Variants in PIK3C2G observed in about 807,000 individuals in gnomAD.
PIK3C2G encodes the protein phosphatidylinositol 3-kinase C2 domain-containing subunit gamma.
Under a neutral mutation model 181.1 loss-of-function variants are expected in PIK3C2G, and 168 were observed. The observed-to-expected ratio is 0.93, with a 90% CI of 0.82 to 1.05. The LOEUF (loss-of-function observed/expected upper bound fraction) is 1.05, where lower values mean the gene tolerates loss of function less well. PIK3C2G is among the 50% of genes least tolerant of loss of function. The pLI, the probability that PIK3C2G is intolerant of heterozygous loss-of-function variation, is 0.00. For missense variants in PIK3C2G, 1,869 were observed against 1,732.8 expected (o/e 1.08, Z -1.40); for synonymous variants, 573 against 592.2 (o/e 0.97, Z 0.47).
intron 29 of PIK3C2G, among the ~76,000 whole-genome samples, chr12:18,582,634 T>C (rs1402249958): frequency 6.6e-6 from 1 of 152,136 alleles, no homozygotes; most frequent in Non-Finnish European, 1.5e-5. Flanking sequence ...CCACAGAACC[T>C]GGCAGGATGA....
At chr12:18,428,332 AT>A (rs1945955847) in intron 18 of PIK3C2G, among the ~76,000 whole-genome samples, 2 of 147,050 alleles carry the variant, frequency 1.4e-5, no homozygotes, top group South Asian at 2.1e-4. Flanking sequence ...AAAAAGTCTT[AT>A]TTAAAAAAAA....
chr12:18,381,664 G>C (rs1462119244), intron 13 of PIK3C2G, 102 bp from the exon 14 acceptor site: 5 of 690,086 alleles, frequency 7.2e-6, no homozygotes, highest in Non-Finnish European at 1.3e-5. Flanking sequence ...GCCCCTGTAA[G>C]AGCGGATTAT....
intron 18 of PIK3C2G, among the ~76,000 whole-genome samples, chr12:18,473,218 T>C (rs1938619120): frequency 6.6e-6 from 1 of 152,186 alleles, no homozygotes; most frequent in Non-Finnish European, 1.5e-5. Context: ...ACTTCTAAAC[T>C]AGATTATTTC....
At chr12:18,509,338 G>A (rs907023822) in intron 24 of PIK3C2G, among the ~76,000 whole-genome samples, 5 of 152,176 alleles carry the variant, frequency 3.3e-5, no homozygotes, top group South Asian at 2.1e-4. Flanking sequence ...GTGAGCCACT[G>A]CACCCAGTTA....
chr12:18,402,317 A>G (rs150859800), intron 16 of PIK3C2G, among the ~76,000 whole-genome samples: 16 of 152,270 alleles, frequency 1.1e-4, no homozygotes, highest in South Asian at 2.1e-4. Context: ...AAATGTGCAG[A>G]ATAGGCAAAG....
chr12:18,576,939 G>T (rs1476733751), intron 29 of PIK3C2G, among the ~76,000 whole-genome samples: 1 of 152,120 alleles, frequency 6.6e-6, no homozygotes, highest in African/African-American at 2.4e-5. Flanking sequence ...CATGCTGAGG[G>T]CTGTCTTACT....
the PIK3C2G span, among the ~76,000 whole-genome samples, chr12:18,707,183 C>A: frequency 3.9e-5 from 6 of 152,210 alleles, no homozygotes; most frequent in South Asian, 2.1e-4. Context: ...TACAAAGACA[C>A]TTTTTCCAAA....
chr12:18,383,943 A>G (rs1943001172), intron 14 of PIK3C2G, among the ~76,000 whole-genome samples: 1 of 151,428 alleles, frequency 6.6e-6, no homozygotes, highest in African/African-American at 2.4e-5. Context: ...AGCTGGAACC[A>G]CAAGTGCATG....
At chr12:18,309,973 G>T (rs1950571996) in intron 5 of PIK3C2G, among the ~76,000 whole-genome samples, 1 of 151,652 alleles carries the variant, frequency 6.6e-6, no homozygotes, top group South Asian at 2.1e-4. Context: ...TTTTATTTAG[G>T]TAAGTAAATG....
chr12:18,325,723 A>AAAG (rs1555161643), intron 8 of PIK3C2G, among the ~76,000 whole-genome samples: 5 of 150,864 alleles, frequency 3.3e-5, no homozygotes, highest in African/African-American at 1.2e-4. Context: ...AAAAAAAAAA[A>AAAG]AGAGAGAGAG....
chr12:18,540,939 ATCATCAAAGCATTTAGTGAAAGTT>A (rs1944118342), intron 25 of PIK3C2G, among the ~76,000 whole-genome samples: 1 of 151,938 alleles, frequency 6.6e-6, no homozygotes, highest in East Asian at 1.9e-4. Flanking sequence ...GGGACTGTAG[ATCATCAAAGCATTTAGTGAAAGTT>A]TCAGGACCAC....
chr12:18,572,998 CAT>C (rs1018178197), intron 29 of PIK3C2G, among the ~76,000 whole-genome samples: 17 of 152,166 alleles, frequency 1.1e-4, no homozygotes, highest in East Asian at 5.8e-4. Context: ...AAATAGTAAG[CAT>C]AGTTATTTTT....
At chr12:18,453,521 A>G (rs1947474330) in intron 18 of PIK3C2G, among the ~76,000 whole-genome samples, 1 of 151,988 alleles carries the variant, frequency 6.6e-6, no homozygotes, top group Admixed American at 6.6e-5. Context: ...AGTTTTGGTG[A>G]CCTGTGCTTT....
Position 18,597,358 on chromosome 12 carries a change from C to T in PIK3C2G, c.4087+2789C>T, listed in dbSNP as rs559437657. Among the ~76,000 whole-genome samples, 12 of 152,140 alleles carry T rather than the reference C, an allele frequency of 7.9e-5. No homozygotes were observed. The South Asian group carries it at 1.5e-3, about 18-fold the overall frequency. ...GCAGCTGCTAAAACAAAAGTAACAA[C>T]TTTCTTAGGTATCACAAATACATGA... On this transcript the variant is annotated intron_variant, in intron 30 of 32. Coordinates refer to ENST00000538779, the MANE Select transcript of PIK3C2G (RefSeq NM_001288772.2).
chr12:18,415,943 T>C (rs1421385194), intron 16 of PIK3C2G, among the ~76,000 whole-genome samples: 5 of 152,136 alleles, frequency 3.3e-5, no homozygotes, highest in African/African-American at 1.2e-4. Flanking sequence ...CAGAGTTGGT[T>C]CATAAGGTTT....
chr12:18,541,919 T>C (rs148964769), intron 25 of PIK3C2G, among the ~76,000 whole-genome samples: 4 of 151,974 alleles, frequency 2.6e-5, no homozygotes, highest in African/African-American at 9.6e-5. Flanking sequence ...AAGGGCAAAC[T>C]TGGCACATGT....
intron 22 of PIK3C2G, among the ~76,000 whole-genome samples, chr12:18,501,977 G>T (rs1941521849): frequency 6.6e-6 from 1 of 152,142 alleles, no homozygotes; most frequent in Non-Finnish European, 1.5e-5. Context: ...GAAAAAATGA[G>T]GAGGGAAATT....
At chr12:18,568,724 C>A (rs1945770954) in intron 29 of PIK3C2G, among the ~76,000 whole-genome samples, 1 of 152,068 alleles carries the variant, frequency 6.6e-6, no homozygotes, top group African/African-American at 2.4e-5. Flanking sequence ...TAATGTTTGA[C>A]CAAATACAGG....
chr12:18,393,634 A>G (rs1003441121), intron 15 of PIK3C2G, among the ~76,000 whole-genome samples: 1 of 152,150 alleles, frequency 6.6e-6, no homozygotes, highest in East Asian at 1.9e-4. Flanking sequence ...TAGTACTTCT[A>G]CTTCTACCAT....
Sources: gnomAD v4.1 joint callset for allele counts (sites outside exome capture counted in the v4.1 genomes callset) on GRCh38, gnomAD v4.1.1 for gene constraint, MANE v1.5 for transcripts, NCBI Gene and HGNC (gene_info 2026-07-23, HGNC 2026-07-21) for gene names.